CCDC7: variants seen among roughly 807,000 people sequenced by gnomAD.
CCDC7 encodes coiled-coil domain-containing protein 7.
In CCDC7, 183 loss-of-function variants were observed where a neutral mutation model predicts 196.9. The observed-to-expected ratio is 0.93, with a 90% CI of 0.82 to 1.05. The LOEUF (loss-of-function observed/expected upper bound fraction) is 1.05. Ranked by LOEUF, CCDC7 falls within the 50% of genes least tolerant of loss-of-function variation. The pLI is 0.00. For missense variants in CCDC7, 1,540 were observed against 1,482.2 expected, an observed-to-expected ratio of 1.04 and a Z score of -0.64; for synonymous variants, 525 against 484.6, an observed-to-expected ratio of 1.08 and a Z score of -1.10.
At chr10:32,594,484 G>A (rs2137989474) in intron 18 of CCDC7, among the ~76,000 whole-genome samples, 1 of 152,294 alleles carries the variant, frequency 6.6e-6, no homozygotes, top group African/African-American at 2.4e-5. Context: ...ATACAATCAT[G>A]TCATCTGCAA....
At chr10:32,700,634 A>G (rs1201391763) in intron 24 of CCDC7, among the ~76,000 whole-genome samples, 1 of 152,150 alleles carries the variant, frequency 6.6e-6, no homozygotes, top group Non-Finnish European at 1.5e-5. Context: ...GAATCTATAA[A>G]TTACCTTGGG....
At chr10:32,815,404 A>AATT (rs1253689798) in intron 31 of CCDC7, among the ~76,000 whole-genome samples, 1 of 152,202 alleles carries the variant, frequency 6.6e-6, no homozygotes, top group Non-Finnish European at 1.5e-5. Flanking sequence ...TTGTGATGTA[A>AATT]ATTAAATTTT....
chr10:32,447,885 G>C (rs1024267947), upstream of CCDC7, among the ~76,000 whole-genome samples: 6 of 152,118 alleles, frequency 3.9e-5, no homozygotes, highest in African/African-American at 1.4e-4. Context: ...TGGGCGACAA[G>C]AGCGAAACTC....
chr10:32,774,912 T>C (rs2079755132), intron 28 of CCDC7, among the ~76,000 whole-genome samples: 2 of 152,192 alleles, frequency 1.3e-5, no homozygotes, highest in Admixed American at 1.3e-4. Flanking sequence ...TTTGGTATCA[T>C]ATTATTAAAT....
chr10:32,734,416 C>A (rs2084513731), intron 28 of CCDC7, among the ~76,000 whole-genome samples: 2 of 151,874 alleles, frequency 1.3e-5, no homozygotes, highest in South Asian at 4.2e-4. Flanking sequence ...ACAAAGGGAA[C>A]AAAAAACACT....
intron 16 of CCDC7, chr10:32,574,658 C>G (rs189142722): frequency 2.7e-6 from 1 of 370,126 alleles, no homozygotes; most frequent in South Asian, 1.1e-4. Flanking sequence ...ACATCATGTG[C>G]GTTGTTAGCT....
intron 3 of CCDC7, among the ~76,000 whole-genome samples, chr10:32,457,022 T>A (rs189905093): frequency 1.6e-3 from 239 of 150,554 alleles, no homozygotes; most frequent in Middle Eastern, 0.014. Context: ...ATATATAAAA[T>A]ATATATATAT....
At chr10:32,535,079 C>T (rs777575905) in intron 11 of CCDC7, among the ~76,000 whole-genome samples, 19 of 151,058 alleles carry the variant, frequency 1.3e-4, no homozygotes, top group South Asian at 8.4e-4. Flanking sequence ...TGTGGAAGTC[C>T]GATTTTCCTA....
chr10:32,597,424 C>T (rs529160280), intron 18 of CCDC7, among the ~76,000 whole-genome samples: 42 of 152,286 alleles, frequency 2.8e-4, no homozygotes, highest in African/African-American at 9.4e-4. Context: ...CATTCGTCTA[C>T]TCTTTTTTCA....
intron 28 of CCDC7, among the ~76,000 whole-genome samples, chr10:32,772,743 T>C (rs1414262021): frequency 6.6e-6 from 1 of 152,150 alleles, no homozygotes; most frequent in Non-Finnish European, 1.5e-5. Flanking sequence ...TCCATTATCC[T>C]CCCCAAGTCA....
chr10:32,474,184 A>AGG (rs2038506999), intron 8 of CCDC7, 161 bp downstream of exon 9: 1 of 320,916 alleles, frequency 3.1e-6, no homozygotes, highest in South Asian at 6.6e-5. Context: ...TTCTTAGTTA[A>AGG]GGATACGTGT....
intron 21 of CCDC7, among the ~76,000 whole-genome samples, chr10:32,669,448 A>G (rs1485163371): frequency 2.0e-5 from 3 of 152,068 alleles, no homozygotes; most frequent in Non-Finnish European, 2.9e-5. Flanking sequence ...GAAACATTTG[A>G]GGGGCATTAG....
intron 33 of CCDC7, among the ~76,000 whole-genome samples, chr10:32,837,846 G>A (rs915978132): frequency 3.4e-5 from 5 of 148,236 alleles, no homozygotes; most frequent in African/African-American, 9.9e-5. Context: ...AACACCGCAT[G>A]TTCTCACTCA....
intron 8 of CCDC7, among the ~76,000 whole-genome samples, chr10:32,477,428 C>A (rs1037985678): frequency 1.1e-4 from 17 of 152,218 alleles, no homozygotes; most frequent in African/African-American, 3.4e-4. Context: ...GTCTCGAACT[C>A]CTGAACTCGT....
At chr10:32,494,421 G>T (rs2042601001) in intron 9 of CCDC7, among the ~76,000 whole-genome samples, 1 of 149,508 alleles carries the variant, frequency 6.7e-6, no homozygotes, top group Non-Finnish European at 1.5e-5. Context: ...TATACTTTAA[G>T]TTCTGGGGTA....
chr10:32,504,832 A>G (rs1466789597), intron 9 of CCDC7, among the ~76,000 whole-genome samples: 2 of 152,338 alleles, frequency 1.3e-5, no homozygotes, highest in East Asian at 3.9e-4. Context: ...CACATAACGT[A>G]TCATGGGAAA....
Position 32,707,436 on chromosome 10 carries a change from C to T in CCDC7, c.2459-4184C>T, listed in dbSNP as rs376995767. 5.8e-4 allele frequency among the ~76,000 whole-genome samples: 89 copies of T among 152,262 alleles called. 1 individual carries two copies. The South Asian group carries it at 7.7e-3, about 13-fold the overall frequency. ...AAGACAGGGATGCCCTCTCTCACCACGCCTATTCAACATAGTATTGGAAGT... is the reference window on the plus strand; with the variant it reads ...AAGACAGGGATGCCCTCTCTCACCATGCCTATTCAACATAGTATTGGAAGT... On this transcript the variant is annotated intron_variant, in intron 24 of 41. Coordinates refer to ENST00000639629, the Ensembl canonical transcript of CCDC7.
intron 28 of CCDC7, among the ~76,000 whole-genome samples, chr10:32,746,978 G>A (rs2074869847): frequency 6.6e-6 from 1 of 152,208 alleles, no homozygotes; most frequent in Admixed American, 6.5e-5. Flanking sequence ...CCACAGTGCT[G>A]CTGCCTAGTC....
intron 18 of CCDC7, chr10:32,623,789 A>T (rs2063668551): frequency 2.1e-6 from 1 of 470,222 alleles, no homozygotes. Context: ...TCGTGCAGGA[A>T]GGTGAAGTGG....
Sources: allele counts gnomAD v4.1 joint callset (sites outside exome capture counted in the v4.1 genomes callset), GRCh38; gene constraint gnomAD v4.1.1; transcripts MANE v1.5; gene names NCBI Gene and HGNC (gene_info 2026-07-23, HGNC 2026-07-21).